TENM4: variants seen among roughly 807,000 people sequenced by gnomAD.
The protein encoded by TENM4 is teneurin-4.
A neutral mutation model predicts 243.3 loss-of-function variants in TENM4; 82 were observed. The ratio of observed to expected loss-of-function variants is 0.34; its 90% CI spans 0.28 to 0.40. The LOEUF is 0.40. TENM4 is among the 10% of genes least tolerant of loss of function. The pLI is 1.00. For synonymous variants in TENM4, 1,412 were observed against 1,456.3 expected (o/e 0.97, Z 0.69); for missense variants, 3,138 against 3,673.3 (o/e 0.85, Z 3.77).
At chr11:78,827,361 C>T (rs1857877300) in intron 12 of TENM4, among the ~76,000 whole-genome samples, 1 of 152,124 alleles carries the variant, frequency 6.6e-6, no homozygotes, top group South Asian at 2.1e-4. Context: ...CCCACCTGAA[C>T]CCACACTCCC....
chr11:78,869,224 C>T (rs1326016943), intron 9 of TENM4, among the ~76,000 whole-genome samples: 3 of 149,622 alleles, frequency 2.0e-5, no homozygotes, highest in African/African-American at 7.3e-5. Flanking sequence ...ATAAGGCAAT[C>T]ATTACAAAAA....
At chr11:79,229,121 C>T (rs1435874124) in intron 2 of TENM4, among the ~76,000 whole-genome samples, 1 of 152,198 alleles carries the variant, frequency 6.6e-6, no homozygotes, top group African/African-American at 2.4e-5. Flanking sequence ...CATGATAAGA[C>T]TGGGGTTGTG....
intron 4 of TENM4, among the ~76,000 whole-genome samples, chr11:79,108,956 A>G (rs1210394817): frequency 6.6e-6 from 1 of 151,962 alleles, no homozygotes; most frequent in Non-Finnish European, 1.5e-5. Flanking sequence ...ACCGACTCAC[A>G]AACACCCACC....
chr11:79,122,654 A>G (rs1475710250), intron 4 of TENM4, among the ~76,000 whole-genome samples: 1 of 152,152 alleles, frequency 6.6e-6, no homozygotes, highest in East Asian at 1.9e-4. Flanking sequence ...CCAGGTTTGA[A>G]GCTGAAAGTA....
At chr11:78,993,515 G>T (rs1371589423) in intron 6 of TENM4, among the ~76,000 whole-genome samples, 1 of 151,968 alleles carries the variant, frequency 6.6e-6, no homozygotes, top group Middle Eastern at 3.2e-3. Context: ...ACTTGACATT[G>T]TCCCTCAGGT....
chr11:78,930,630 T>C (rs557275163), intron 6 of TENM4, among the ~76,000 whole-genome samples: 1 of 152,310 alleles, frequency 6.6e-6, no homozygotes, highest in East Asian at 1.9e-4. Flanking sequence ...CACCCACCCA[T>C]GTGAACTGGC....
intron 3 of TENM4, among the ~76,000 whole-genome samples, chr11:79,172,428 C>T (rs531831233): frequency 6.6e-6 from 1 of 152,192 alleles, no homozygotes; most frequent in Non-Finnish European, 1.5e-5. Flanking sequence ...TTCTACTTTA[C>T]CCCTATCCAT....
intron 3 of TENM4, among the ~76,000 whole-genome samples, chr11:79,157,604 T>C (rs574225645): frequency 6.6e-6 from 1 of 152,282 alleles, no homozygotes; most frequent in African/African-American, 2.4e-5. Flanking sequence ...CACTGTGCAT[T>C]GTCCTTCTAT....
intron 2 of TENM4, among the ~76,000 whole-genome samples, chr11:79,296,845 T>C (rs760635357): frequency 1.3e-5 from 2 of 152,128 alleles, no homozygotes; most frequent in Non-Finnish European, 2.9e-5. Context: ...CCAAAGCAGA[T>C]GCTAGAAAGT....
intron 3 of TENM4, among the ~76,000 whole-genome samples, chr11:79,202,543 C>G (rs759416885): frequency 4.6e-5 from 7 of 152,202 alleles, no homozygotes; most frequent in Non-Finnish European, 1.0e-4. Flanking sequence ...TAACCTGGAG[C>G]CTGCAAAGGT....
intron 6 of TENM4, among the ~76,000 whole-genome samples, chr11:78,979,513 G>A (rs1402882618): frequency 6.6e-6 from 1 of 152,190 alleles, no homozygotes; most frequent in Non-Finnish European, 1.5e-5. Context: ...AGAAAGCATT[G>A]TGGGCATGCA....
At chr11:79,127,599 CAG>C (rs932813054) in intron 4 of TENM4, among the ~76,000 whole-genome samples, 1 of 152,212 alleles carries the variant, frequency 6.6e-6, no homozygotes, top group African/African-American at 2.4e-5. Flanking sequence ...TGTCCTACCT[CAG>C]GGGTATATCA....
At chr11:79,115,899 A>G (rs1861609182) in intron 4 of TENM4, among the ~76,000 whole-genome samples, 1 of 152,190 alleles carries the variant, frequency 6.6e-6, no homozygotes, top group Admixed American at 6.5e-5. Flanking sequence ...TGACTCGAAG[A>G]GTCTAGGTTT....
At chr11:78,831,650 G>A (rs1212794783) in intron 12 of TENM4, among the ~76,000 whole-genome samples, 1 of 152,164 alleles carries the variant, frequency 6.6e-6, no homozygotes, top group Non-Finnish European at 1.5e-5. Flanking sequence ...CAGCGGGGCT[G>A]GCACACAGGA....
At chr11:79,055,521 C>T (rs1005051399) in intron 6 of TENM4, among the ~76,000 whole-genome samples, 3 of 152,170 alleles carry the variant, frequency 2.0e-5, no homozygotes, top group South Asian at 2.1e-4. Flanking sequence ...GGATTATGGG[C>T]GTGAGCCACT....
intron 19 of TENM4, among the ~76,000 whole-genome samples, chr11:78,748,908 A>G (rs1357322255): frequency 6.6e-6 from 1 of 152,174 alleles, no homozygotes; most frequent in African/African-American, 2.4e-5. Flanking sequence ...TAGTGACCCC[A>G]CATCAGAGGG....
At chr11:78,898,300 T>C (rs1453878909) in intron 7 of TENM4, among the ~76,000 whole-genome samples, 1 of 152,238 alleles carries the variant, frequency 6.6e-6, no homozygotes, top group Non-Finnish European at 1.5e-5. Context: ...TAGCCTTTCT[T>C]TTTCTGCCAG....
At chr11:79,294,884 A>C (rs990140147) in intron 2 of TENM4, among the ~76,000 whole-genome samples, 3 of 152,126 alleles carry the variant, frequency 2.0e-5, no homozygotes, top group African/African-American at 7.2e-5. Flanking sequence ...AGTTACATGC[A>C]GGTGTGTTCC....
At chr11:79,091,780 C>T (rs1051005415) in intron 4 of TENM4, among the ~76,000 whole-genome samples, 1 of 152,164 alleles carries the variant, frequency 6.6e-6, no homozygotes, top group Non-Finnish European at 1.5e-5. Flanking sequence ...CCTATTTCAT[C>T]TCCACCCTCT....
Sources: allele counts gnomAD v4.1 joint callset (sites outside exome capture counted in the v4.1 genomes callset), GRCh38; gene constraint gnomAD v4.1.1; transcripts MANE v1.5; gene names NCBI Gene and HGNC (gene_info 2026-07-23, HGNC 2026-07-21).